NTN1: variants seen among roughly 807,000 people sequenced by gnomAD.
NTN1 encodes netrin-1.
NTN1 carries 11 observed loss-of-function variants against 54.2 expected under a neutral mutation model. The observed-to-expected ratio is 0.20, with a 90% CI of 0.13 to 0.34. The LOEUF (loss-of-function observed/expected upper bound fraction) is 0.34. Among genes scored for constraint, NTN1 ranks in the 10% least tolerant of loss-of-function variants. The probability of loss-of-function intolerance (pLI) is 1.00; values close to 1 mark genes in which losing one functional copy is unlikely to be tolerated. For missense variants in NTN1, 740 were observed against 893.1 expected (o/e 0.83, Z 2.18); for synonymous variants, 371 against 382.0 (o/e 0.97, Z 0.33).
chr17:9,233,367 A>G (rs1312262406), intron 6 of NTN1, among the ~76,000 whole-genome samples: 2 of 152,026 alleles, frequency 1.3e-5, no homozygotes, highest in Non-Finnish European at 2.9e-5. Context: ...GGCAGCATCT[A>G]TAACTTCTGC....
chr17:9,135,941 C>T lies in NTN1; in HGVS notation c.1019-26872C>T, dbSNP rs915425547. On this transcript the variant is annotated intron_variant, in intron 2 of 6. Coordinates refer to ENST00000173229, the MANE Select transcript of NTN1 (RefSeq NM_004822.3). The surrounding 1 kb of genome is among the most constrained non-coding windows in gnomAD (Gnocchi z 4.4). Reference sequence around the variant, plus strand: ...CACCCCAAACGTGTCTGTGTGCGCACGCTCACTCATACATGTGTGCACGTG... The same window carrying T: ...CACCCCAAACGTGTCTGTGTGCGCATGCTCACTCATACATGTGTGCACGTG... Among the ~76,000 whole-genome samples, 15 of 152,228 alleles carry T rather than the reference C, an allele frequency of 9.9e-5. No individual in the cohort carries two copies. Among genetic ancestry groups the T allele is most frequent in the East Asian group, 5.8e-4 (3 of 5,190 alleles).
intron 6 of NTN1, among the ~76,000 whole-genome samples, chr17:9,225,934 C>T (rs1905524631): frequency 6.6e-6 from 1 of 152,208 alleles, no homozygotes; most frequent in Non-Finnish European, 1.5e-5. Context: ...CTCCTCCAGG[C>T]CTCGCAGACC....
intron 2 of NTN1, among the ~76,000 whole-genome samples, chr17:9,147,428 TG>T (rs2092316932): frequency 6.6e-6 from 1 of 152,104 alleles, no homozygotes; most frequent in African/African-American, 2.4e-5. Context: ...GGTAGGAGAA[TG>T]GCATGAACCT....
intron 5 of NTN1, among the ~76,000 whole-genome samples, chr17:9,217,266 T>C (rs1013260482): frequency 5.9e-5 from 9 of 152,210 alleles, no homozygotes; most frequent in Non-Finnish European, 1.0e-4. Context: ...AGGTAAAACC[T>C]GAACAGGTTT....
At chr17:9,072,507 G>A (rs1274434131) in intron 2 of NTN1, among the ~76,000 whole-genome samples, 1 of 152,120 alleles carries the variant, frequency 6.6e-6, no homozygotes, top group Admixed American at 6.5e-5. Context: ...GGGATGTGGA[G>A]GTGAAGCCCT....
chr17:9,174,863 G>A (rs1242528924), intron 3 of NTN1: 2 of 153,036 alleles, frequency 1.3e-5, no homozygotes, highest in African/African-American at 4.8e-5. Context: ...CCTGGGTGGT[G>A]GCTGTGGTGG....
chr17:9,207,474 A>T (rs778696002), intron 5 of NTN1, among the ~76,000 whole-genome samples: 1 of 152,194 alleles, frequency 6.6e-6, no homozygotes, highest in South Asian at 2.1e-4. Flanking sequence ...ACTTTAAAAG[A>T]TTGTTACAAA....
intron 6 of NTN1, among the ~76,000 whole-genome samples, chr17:9,229,097 A>T (rs1273606563): frequency 4.3e-4 from 1 of 2,336 alleles, no homozygotes; most frequent in Non-Finnish European, 8.4e-4. Context: ...TGTGACTGAG[A>T]CTGTGACTGT....
chr17:9,193,930 A>AAAAAAACAAAACAAAAC (rs1904543942), intron 5 of NTN1, among the ~76,000 whole-genome samples: 1 of 138,624 alleles, frequency 7.2e-6, no homozygotes, highest in African/African-American at 2.7e-5. Context: ...TAAAAAAAAA[A>AAAAAAACAAAACAAAAC]AAAAAAAAAA....
chr17:9,222,591 G>A (rs879267752), intron 6 of NTN1, among the ~76,000 whole-genome samples: 10 of 152,188 alleles, frequency 6.6e-5, no homozygotes, highest in Non-Finnish European at 1.5e-4. Flanking sequence ...TGAGGAAAGA[G>A]GAGGAGGGAG....
chr17:9,219,159 A>G lies in NTN1; in HGVS notation c.1412-2009A>G, dbSNP rs1905275837. ...GTGGCCCAGAGCGGCTGTTCCTCAC[A>G]GGGAAGTGCGGCCGCGGTGCTGATG... On this transcript the variant is annotated intron_variant, in intron 5 of 6. Coordinates refer to ENST00000173229, the MANE Select transcript of NTN1 (RefSeq NM_004822.3). This position sits in a 1 kb window ranked among gnomAD's most constrained non-coding sequence, Gnocchi z 4.5. Among the ~76,000 whole-genome samples the G allele has an allele frequency of 6.6e-6, 1 of 152,130 alleles. No individual in the cohort carries two copies. Among genetic ancestry groups the G allele is most frequent in the Non-Finnish European group, 1.5e-5 (1 of 68,020 alleles).
chr17:9,121,080 G>C (rs1490217689), intron 2 of NTN1, among the ~76,000 whole-genome samples: 3 of 152,182 alleles, frequency 2.0e-5, no homozygotes, highest in African/African-American at 7.2e-5. Context: ...ATACAGGACT[G>C]TGTGGTGCGA....
intron 2 of NTN1, among the ~76,000 whole-genome samples, chr17:9,098,329 G>A (rs2142239775): frequency 6.6e-6 from 1 of 152,368 alleles, no homozygotes; most frequent in African/African-American, 2.4e-5. Context: ...AGCAGTGCCT[G>A]CAGCCAGGTG....
intron 2 of NTN1, among the ~76,000 whole-genome samples, chr17:9,159,247 GAAATAT>G (rs1367744492): frequency 3.3e-5 from 5 of 152,104 alleles, no homozygotes. Context: ...GCACAAAAAA[GAAATAT>G]AAATAGAAAA....
chr17:9,145,976 C>A (rs990285572), intron 2 of NTN1, among the ~76,000 whole-genome samples: 1 of 149,504 alleles, frequency 6.7e-6, no homozygotes, highest in Non-Finnish European at 1.5e-5. Context: ...TGTTTGTATT[C>A]ATTTTCCATC....
the NTN1 span, among the ~76,000 whole-genome samples, chr17:9,008,987 G>A: frequency 2.0e-5 from 3 of 152,194 alleles, no homozygotes; most frequent in South Asian, 2.1e-4. Flanking sequence ...GTTGCAGTGA[G>A]CTGAGATCGC....
chr17:9,103,933 A>C (rs1262334451), intron 2 of NTN1, among the ~76,000 whole-genome samples: 2 of 151,754 alleles, frequency 1.3e-5, no homozygotes, highest in East Asian at 3.9e-4. Flanking sequence ...TAAAAAATAC[A>C]AAAAAATTAG....
chr17:9,234,262 C>T (rs1269923770), intron 6 of NTN1, among the ~76,000 whole-genome samples: 1 of 152,212 alleles, frequency 6.6e-6, no homozygotes, highest in African/African-American at 2.4e-5. Context: ...TTCCTGTGAA[C>T]CCCAGAATTG....
chr17:9,149,935 C>T (rs188382457), intron 2 of NTN1, among the ~76,000 whole-genome samples: 97 of 150,996 alleles, frequency 6.4e-4, no homozygotes, highest in Non-Finnish European at 1.1e-3. Context: ...GGCATGGTGG[C>T]GCACACCTGC....
Sources: gnomAD v4.1 joint callset for allele counts (sites outside exome capture counted in the v4.1 genomes callset) on GRCh38, gnomAD v4.1.1 for gene constraint, Gnocchi (gnomAD v3.1) non-coding constraint, MANE v1.5 for transcripts, NCBI Gene and HGNC (gene_info 2026-07-23, HGNC 2026-07-21) for gene names.